TIAM2: variants seen among roughly 807,000 people sequenced by gnomAD.
The protein encoded by TIAM2 is rho guanine nucleotide exchange factor TIAM2.
Under a neutral mutation model 152.9 loss-of-function variants are expected in TIAM2, and 80 were observed. The ratio of observed to expected loss-of-function variants is 0.52; its 90% CI spans 0.44 to 0.63. The LOEUF (loss-of-function observed/expected upper bound fraction) is 0.63, where lower values mean the gene tolerates loss of function less well. Among genes scored for constraint, TIAM2 ranks in the 30% least tolerant of loss-of-function variants. The pLI is 0.00. For missense variants in TIAM2, 1,965 were observed against 2,120.1 expected (o/e 0.93, Z 1.44); for synonymous variants, 804 against 838.0 (o/e 0.96, Z 0.70).
chr6:155,029,064 ATATACTATATATAC>A (rs1246485327), intron 1 of TIAM2, among the ~76,000 whole-genome samples: 6 of 114,914 alleles, frequency 5.2e-5, no homozygotes, highest in African/African-American at 1.6e-4. Context: ...TATACACTGT[ATATACTATATATAC>A]TGTTATATAT....
chr6:155,249,974 G>T lies in TIAM2; in HGVS notation c.3951+5G>T, dbSNP rs546320720. ...CAGAGCGGAACAGAGAAGGAGGTCC[G>T]TGAGACATCTGCACCCTGGGAGCCT... On this transcript the variant is annotated splice_donor_5th_base_variant and intron_variant, in intron 21 of 26. Coordinates refer to ENST00000682666, the MANE Select transcript of TIAM2 (RefSeq NM_012454.4). 2.5e-6 allele frequency: 4 copies of T among 1,608,660 alleles called. No homozygotes were observed. The South Asian group carries it at 3.3e-5, about 13-fold the overall frequency.
Position 155,256,709 on chromosome 6 carries a change from G to A in TIAM2, c.4694G>A (p.Ser1565Asn). The A allele has an allele frequency of 6.2e-7, 1 of 1,614,240 alleles. No individual in the cohort carries two copies. Residue 1565 changes from serine to asparagine, a missense_variant, in exon 27 of 27, where the codon AGT becomes AAT. Around this residue, in one of 3 missense-constraint regions of TIAM2, gnomAD observed 935 missense variants for 980.0 expected, o/e 0.95. Transcript: ENST00000682666. ...ADFADNLIKE[S>N]DILSDEDDDH... ...TTTGCCGACAATCTCATCAAAGAGA[G>A]TGACATCCTGAGCGATGAAGATGAT...
chr6:155,198,000 A>G (rs1384329990), intron 14 of TIAM2, among the ~76,000 whole-genome samples: 1 of 152,156 alleles, frequency 6.6e-6, no homozygotes, highest in Non-Finnish European at 1.5e-5. Flanking sequence ...GCACAAATAG[A>G]AGTTTTATCA....
rs1562379327 is a variant in TIAM2 at position 155,256,681 on chromosome 6, G to C, written c.4666G>C (p.Asp1556His). Residue 1556 changes from aspartate (D) to histidine (H), a missense_variant, in exon 27 of 27, where the codon GAT (aspartate) becomes CAT (histidine). Coordinates refer to ENST00000682666, the MANE Select transcript of TIAM2 (RefSeq NM_012454.4). Reference protein sequence around the residue: ...PGKYPHPGLADFADNLIKESD... With the variant: ...PGKYPHPGLAHFADNLIKESD... ...GAAATACCCACACCCCGGCTTGGCA[G>C]ATTTTGCCGACAATCTCATCAAAGA... The C allele has an allele frequency of 1.2e-6, 2 of 1,614,212 alleles. No homozygotes were observed. The highest frequency in any genetic ancestry group is 1.7e-6 in the Non-Finnish European group (2 of 1,180,048).
intron 1 of TIAM2, among the ~76,000 whole-genome samples, chr6:155,075,916 C>T (rs1389777812): frequency 6.6e-6 from 1 of 152,132 alleles, no homozygotes; most frequent in Admixed American, 6.6e-5. Flanking sequence ...ATTCATATGA[C>T]ATACTATCAA....
intron 5 of TIAM2, among the ~76,000 whole-genome samples, chr6:155,139,583 T>C (rs1483623832): frequency 6.6e-6 from 1 of 152,204 alleles, no homozygotes; most frequent in Admixed American, 6.5e-5. Context: ...AAGAAAGTTC[T>C]GCTTTAAGGT....
chr6:155,183,908 C>T (rs781720513), intron 14 of TIAM2, among the ~76,000 whole-genome samples: 10 of 152,120 alleles, frequency 6.6e-5, no homozygotes, highest in East Asian at 1.9e-4. Context: ...TAGAACAGCC[C>T]GTGCATTTCA....
At chr6:155,240,416 G>A in intron 15 of TIAM2, 114 bp from the exon 16 acceptor site, 1 of 1,132,294 alleles carries the variant, frequency 8.8e-7, no homozygotes, top group Non-Finnish European at 1.2e-6. Context: ...CCTACACAGA[G>A]GCCCCTCTGA....
At chr6:155,005,257 G>A (rs988259190) in intron 1 of TIAM2, 5 of 226,348 alleles carry the variant, frequency 2.2e-5, no homozygotes, top group African/African-American at 9.2e-5. Context: ...CTGGAAGCAG[G>A]CCAGGCATCC....
chr6:155,255,661 T>C (rs528141201), intron 26 of TIAM2: 2 of 149,606 alleles, frequency 1.3e-5, no homozygotes, highest in African/African-American at 5.1e-5. Context: ...TTTCAGAAAG[T>C]TGTTTTGAAA....
chr6:155,034,192 G>A (rs1312472309), intron 1 of TIAM2, among the ~76,000 whole-genome samples: 2 of 152,070 alleles, frequency 1.3e-5, no homozygotes, highest in Non-Finnish European at 2.9e-5. Flanking sequence ...ATACATGCCA[G>A]TTTCTGCCCA....
chr6:155,071,016 GA>G (rs1777826753), intron 1 of TIAM2, among the ~76,000 whole-genome samples: 2 of 151,994 alleles, frequency 1.3e-5, no homozygotes, highest in South Asian at 2.1e-4. Flanking sequence ...TACTACTAAT[GA>G]AAAAAATTCG....
rs551681146 is a variant in TIAM2 at position 155,028,829 on chromosome 6, TTA to T, written c.-209+33346_-209+33347del. 7.6e-4 allele frequency among the ~76,000 whole-genome samples: 98 copies of T among 128,556 alleles called. 10 individuals are homozygous for T. The highest frequency in any genetic ancestry group is 2.9e-3 in the African/African-American group (88 of 30,624). The allele number at this position is 128,556 out of a possible 152,430, so 84.3% of individuals were successfully genotyped here. ...TACTATATATAATATATATACTGTG[TTA>T]TATATATACTATGTTATATATACAC... On this transcript the variant is annotated intron_variant, in intron 1 of 26. Coordinates refer to ENST00000682666, the MANE Select transcript of TIAM2 (RefSeq NM_012454.4).
rs71023613 is a variant in TIAM2 at position 155,057,541 on chromosome 6, C to CTTTTTTTTTT, written c.-208-32734_-208-32725dup. Among the ~76,000 whole-genome samples the CTTTTTTTTTT allele has an allele frequency of 2.6e-4, 21 of 80,050 alleles. 1 individual carries two copies. Among genetic ancestry groups the CTTTTTTTTTT allele is most frequent in the Admixed American group, 5.5e-4 (3 of 5,420 alleles). 52.5% of individuals were successfully genotyped at this position (80,050 alleles called of 152,430 possible). ...TTACTCTTTTTCTTTCCATAATGTA[C>CTTTTTTTTTT]TTTTTTTTTTTTTTTTTTTTTTTGA... On this transcript the variant is annotated intron_variant, in intron 1 of 26. Transcript: ENST00000682666.
In TIAM2 at chr6:155,189,376, A is replaced by G. The variant is rs550047035; in HGVS notation, c.3064+5876A>G. On this transcript the variant is annotated intron_variant, in intron 14 of 26. Coordinates refer to ENST00000682666, the MANE Select transcript of TIAM2 (RefSeq NM_012454.4). ...TTTTTTTTTTTTAAATCAGAAAACA[A>G]TCTGATTGGGAAATACTGGTTTTAC... Among the ~76,000 whole-genome samples, 45 of 152,046 alleles carry G rather than the reference A, an allele frequency of 3.0e-4. No homozygotes were observed. In the South Asian group the frequency reaches 8.7e-3, roughly 29 times the overall value.
At chr6:155,087,830 G>A (rs927128524) in intron 1 of TIAM2, among the ~76,000 whole-genome samples, 3 of 152,080 alleles carry the variant, frequency 2.0e-5, no homozygotes, top group African/African-American at 7.2e-5. Context: ...AAAGTTTTAA[G>A]TAAATATGGA....
intron 15 of TIAM2, among the ~76,000 whole-genome samples, chr6:155,221,588 C>A (rs1276836265): frequency 1.3e-5 from 2 of 152,142 alleles, no homozygotes; most frequent in Non-Finnish European, 2.9e-5. Flanking sequence ...AAACAGAAAG[C>A]CAAGTTCAAG....
chr6:155,218,645 C>A lies in TIAM2; in HGVS notation c.3168+7338C>A, dbSNP rs9371872. Among the ~76,000 whole-genome samples, 1 of 151,918 alleles carries A rather than the reference C, an allele frequency of 6.6e-6. No homozygotes were observed. The highest frequency in any genetic ancestry group is 1.5e-5 in the Non-Finnish European group (1 of 67,986). ...GGCTGTAAGCTGCCCCTTCCTGGTG[C>A]GTCTCCCATGTATACGTGTGTGTGT... On this transcript the variant is annotated intron_variant, in intron 15 of 26. Coordinates refer to ENST00000682666, the MANE Select transcript of TIAM2 (RefSeq NM_012454.4). The surrounding 1 kb of genome is among the most constrained non-coding windows in gnomAD (Gnocchi z 4.5).
chr6:155,198,691 T>A (rs79592120), intron 14 of TIAM2, among the ~76,000 whole-genome samples: 14 of 90,298 alleles, frequency 1.6e-4, no homozygotes, highest in Admixed American at 4.6e-4. Context: ...AAAAAAAAAA[T>A]CTCTTAATGA....
Sources: allele counts gnomAD v4.1 joint callset (sites outside exome capture counted in the v4.1 genomes callset), GRCh38; gene constraint gnomAD v4.1.1; regional missense constraint gnomAD v4.1.1; non-coding constraint Gnocchi (gnomAD v3.1); transcripts MANE v1.5; gene names NCBI Gene and HGNC (gene_info 2026-07-23, HGNC 2026-07-21).